Variants in ULK4 observed in about 807,000 individuals in gnomAD.
ULK4 encodes unc-51 like kinase 4.
Under a neutral mutation model 160.6 loss-of-function variants are expected in ULK4, and 133 were observed. That is an observed-to-expected ratio of 0.83 (90% CI 0.72 to 0.96). The LOEUF (loss-of-function observed/expected upper bound fraction) is 0.96, where lower values mean the gene tolerates loss of function less well. ULK4 is among the 40% of genes least tolerant of loss of function. The pLI is 0.00. For missense variants in ULK4, 1,580 were observed against 1,499.5 expected, an observed-to-expected ratio of 1.05 and a Z score of -0.89; for synonymous variants, 534 against 539.8, an observed-to-expected ratio of 0.99 and a Z score of 0.15.
chr3:41,948,407 C>T lies in ULK4; in HGVS notation c.138+6215G>A, dbSNP rs1294292326. On this transcript the variant is annotated intron_variant, in intron 2 of 36. Transcript: ENST00000301831. ...CAGAGGTTGCAGTGAGCCAAGATCG[C>T]ACCACTGCACTCCAGCCTGGACGAA... 5.9e-5 allele frequency among the ~76,000 whole-genome samples: 9 copies of T among 152,046 alleles called. No homozygotes were observed. In the Middle Eastern group the frequency reaches 0.01, roughly 172 times the overall value.
At chr3:41,676,986 T>TC (rs2035743880) in intron 29 of ULK4, among the ~76,000 whole-genome samples, 1 of 138,950 alleles carries the variant, frequency 7.2e-6, no homozygotes, top group African/African-American at 2.8e-5. Context: ...GGTCACCATA[T>TC]CCTCGACACC....
chr3:41,594,160 T>TA (rs1480700338), intron 31 of ULK4, among the ~76,000 whole-genome samples: 1 of 152,212 alleles, frequency 6.6e-6, no homozygotes, highest in Non-Finnish European at 1.5e-5. Context: ...TTTCCTGGCA[T>TA]AGAACATATA....
At chr3:41,727,985 A>C (rs2037707437) in intron 22 of ULK4, among the ~76,000 whole-genome samples, 1 of 152,234 alleles carries the variant, frequency 6.6e-6, no homozygotes. Context: ...CATGCAACTA[A>C]GCAGCTGGAA....
intron 32 of ULK4, among the ~76,000 whole-genome samples, chr3:41,487,057 C>A (rs1215511072): frequency 6.6e-6 from 1 of 152,104 alleles, no homozygotes; most frequent in Non-Finnish European, 1.5e-5. Context: ...TACGTAGTTT[C>A]CTTTAATATC....
At chr3:41,908,766 A>G (rs1002477931) in intron 11 of ULK4, among the ~76,000 whole-genome samples, 15 of 152,102 alleles carry the variant, frequency 9.9e-5, no homozygotes, top group Admixed American at 6.6e-4. Flanking sequence ...ATTTTAAGAA[A>G]TCCTTCCCAT....
intron 11 of ULK4, among the ~76,000 whole-genome samples, chr3:41,909,275 T>C (rs2148800734): frequency 6.6e-6 from 1 of 151,024 alleles, no homozygotes; most frequent in South Asian, 2.1e-4. Context: ...AAAAAAAAAT[T>C]ATCATCTTCA....
At chr3:41,352,062 G>A (rs1261644404) in intron 35 of ULK4, among the ~76,000 whole-genome samples, 1 of 152,130 alleles carries the variant, frequency 6.6e-6, no homozygotes, top group Admixed American at 6.6e-5. Context: ...GTTCCTTAAG[G>A]TGCATGTGAA....
chr3:41,248,034 T>C (rs905010469), intron 36 of ULK4, among the ~76,000 whole-genome samples: 28 of 152,346 alleles, frequency 1.8e-4, no homozygotes, highest in Non-Finnish European at 3.2e-4. Flanking sequence ...ACCAGCCTCA[T>C]GGACCACTGA....
intron 32 of ULK4, 29 bp from the exon 33 acceptor site, chr3:41,463,282 C>A: frequency 6.2e-7 from 1 of 1,600,652 alleles, no homozygotes; most frequent in Non-Finnish European, 8.5e-7. Flanking sequence ...AAGAAAAAAA[C>A]CTCATCATTA....
At chr3:41,360,784 G>A (rs972109482) in intron 35 of ULK4, among the ~76,000 whole-genome samples, 2 of 152,142 alleles carry the variant, frequency 1.3e-5, no homozygotes, top group Non-Finnish European at 2.9e-5. Context: ...AGGCTGGAAG[G>A]AGGGAGTGCA....
chr3:41,446,905 A>G (rs1041128913), intron 34 of ULK4, among the ~76,000 whole-genome samples: 6 of 151,414 alleles, frequency 4.0e-5, no homozygotes, highest in Non-Finnish European at 7.4e-5. Flanking sequence ...AATAAAATAA[A>G]ATAAAAATAA....
chr3:41,819,470 C>A lies in ULK4; in HGVS notation c.1801G>T (p.Val601Phe). 2.2e-5 allele frequency: 35 copies of A among 1,613,478 alleles called. No individual in the cohort carries two copies. The highest frequency in any genetic ancestry group is 3.0e-5 in the Non-Finnish European group (35 of 1,179,882). ...AGCACTGTGTATGCAGCCAAGGGAA[C>A]AGCCCAGCACTCTCTAGGGTTCTTT... ...KKKNPRECWA[V>F]PLAAYTVLMR... The change falls in exon 19 of 37, where the codon GTT becomes TTT. Residue 601 changes from valine (V) to phenylalanine (F), a missense_variant. Physicochemically the swap from Val to Phe is conservative, Grantham distance 50 (BLOSUM62 -1). Transcript: ENST00000301831.
intron 32 of ULK4, among the ~76,000 whole-genome samples, chr3:41,533,039 C>T (rs951678065): frequency 6.6e-6 from 1 of 152,182 alleles, no homozygotes; most frequent in African/African-American, 2.4e-5. Context: ...TCTTCAAATA[C>T]TGCCACCATG....
At chr3:41,539,766 C>G (rs57893091) in intron 32 of ULK4, among the ~76,000 whole-genome samples, 9,336 of 152,082 alleles carry the variant, frequency 0.061, 856 homozygotes, top group African/African-American at 0.2. Context: ...TCCTTCCATG[C>G]CTCACCTCTC....
intron 35 of ULK4, among the ~76,000 whole-genome samples, chr3:41,307,196 G>A (rs1054577986): frequency 6.6e-6 from 1 of 151,502 alleles, no homozygotes; most frequent in African/African-American, 2.4e-5. Flanking sequence ...AGTGAGTGAA[G>A]GTGCAGCAGC....
intron 27 of ULK4, among the ~76,000 whole-genome samples, chr3:41,692,732 C>T (rs1193582493): frequency 2.0e-5 from 3 of 152,066 alleles, no homozygotes; most frequent in African/African-American, 7.2e-5. Flanking sequence ...AAGACATTCA[C>T]TTGTGCTAAA....
intron 30 of ULK4, among the ~76,000 whole-genome samples, chr3:41,625,810 T>C (rs1466165151): frequency 2.6e-5 from 4 of 152,152 alleles, no homozygotes; most frequent in Admixed American, 2.6e-4. Flanking sequence ...AGTGAAGAGA[T>C]TTACCTAAAT....
At chr3:41,935,309 C>T (rs1167537043) in intron 4 of ULK4, among the ~76,000 whole-genome samples, 1 of 150,718 alleles carries the variant, frequency 6.6e-6, no homozygotes, top group Non-Finnish European at 1.5e-5. Flanking sequence ...TCACTGCAGC[C>T]TCTGCCTCCC....
chr3:41,899,589 A>G (rs1181731539), intron 13 of ULK4, among the ~76,000 whole-genome samples: 1 of 152,174 alleles, frequency 6.6e-6, no homozygotes, highest in East Asian at 1.9e-4. Context: ...CCTTCTTAAA[A>G]CATTGTAAGA....
Sources: allele counts gnomAD v4.1 joint callset (sites outside exome capture counted in the v4.1 genomes callset), GRCh38; gene constraint gnomAD v4.1.1; transcripts MANE v1.5; gene names NCBI Gene and HGNC (gene_info 2026-07-23, HGNC 2026-07-21).